ZNF808: variants seen among roughly 807,000 people sequenced by gnomAD.
ZNF808 encodes the protein zinc finger protein 808.
ZNF808 carries 5 observed loss-of-function variants against 8.7 expected under a neutral mutation model. The ratio of observed to expected loss-of-function variants is 0.58; its 90% CI spans 0.30 to 1.21. ZNF808 has a LOEUF of 1.21. ZNF808 is among the 50% of genes most tolerant of loss of function. The probability of loss-of-function intolerance (pLI) is 0.07; values close to 1 mark genes in which losing one functional copy is unlikely to be tolerated. For missense variants in ZNF808, 1,103 were observed against 1,098.4 expected (o/e 1.00, Z -0.06); for synonymous variants, 380 against 366.0 (o/e 1.04, Z -0.44).
At chr19:52,544,710 C>G (rs948636497) in intron 3 of ZNF808, among the ~76,000 whole-genome samples, 8 of 152,062 alleles carry the variant, frequency 5.3e-5, no homozygotes, top group Admixed American at 3.9e-4. Context: ...GCCTTGATAT[C>G]CTGGCCTCAA....
In ZNF808 at chr19:52,554,286, G is replaced by C; in HGVS notation, c.1370G>C (p.Cys457Ser). ...RIHTGEKPYK[C>S]KVCDTAFTCN... ...CATACTGGAGAGAAACCATACAAAT[G>C]TAAGGTTTGTGATACAGCTTTCACG... The change falls in exon 5 of 5, where the codon TGT becomes TCT. Residue 457 changes from cysteine (C) to serine (S), a missense_variant. Physicochemically the swap from Cys to Ser is moderately radical, Grantham distance 112. Transcript: ENST00000359798. 6.2e-7 allele frequency: 1 copy of C among 1,614,156 alleles called. No individual in the cohort carries two copies. Among genetic ancestry groups the C allele is most frequent in the Non-Finnish European group, 8.5e-7 (1 of 1,180,026 alleles).
chr19:52,529,765 C>T (rs1799918928), intron 1 of ZNF808, among the ~76,000 whole-genome samples: 1 of 152,020 alleles, frequency 6.6e-6, no homozygotes, highest in African/African-American at 2.4e-5. Flanking sequence ...CTGTATCACA[C>T]AGGCTGGAGT....
downstream of ZNF808, among the ~76,000 whole-genome samples, chr19:52,560,649 T>C (rs2059853276): frequency 6.6e-6 from 1 of 152,176 alleles, no homozygotes; most frequent in Non-Finnish European, 1.5e-5. Context: ...TGGATCTTGT[T>C]CATTCTTGTC....
At chr19:52,567,073 T>TCC (rs1220827141), downstream of ZNF808, among the ~76,000 whole-genome samples, 7 of 151,888 alleles carry the variant, frequency 4.6e-5, no homozygotes, top group East Asian at 1.2e-3. Context: ...TGCCTCAGCC[T>TCC]CCTGAGTAGC....
intron 3 of ZNF808, among the ~76,000 whole-genome samples, chr19:52,543,635 G>A (rs773627834): frequency 6.6e-6 from 1 of 152,190 alleles, no homozygotes; most frequent in East Asian, 1.9e-4. Context: ...GTGTGGGCCC[G>A]TTGATGTCAG....
At chr19:52,533,175 C>A (rs922462517) in intron 2 of ZNF808, among the ~76,000 whole-genome samples, 166 bp downstream of exon 2, 3 of 152,000 alleles carry the variant, frequency 2.0e-5, no homozygotes, top group African/African-American at 7.2e-5. Flanking sequence ...AGTATGTTTT[C>A]TTTCTTTTCT....
chr19:52,530,676 GAGAA>G (rs761468626), intron 1 of ZNF808, among the ~76,000 whole-genome samples: 53 of 144,922 alleles, frequency 3.7e-4, no homozygotes, highest in Non-Finnish European at 6.8e-4. Context: ...AAAAAAAAGA[GAGAA>G]AGAAAAAGTA....
At chr19:52,546,128 T>C (rs555256592) in intron 3 of ZNF808, among the ~76,000 whole-genome samples, 81 of 152,246 alleles carry the variant, frequency 5.3e-4, no homozygotes, top group Admixed American at 9.2e-4. Flanking sequence ...CTTAGAACAG[T>C]GTATAGCACA....
At chr19:52,558,969 C>T (rs2059847866), downstream of ZNF808, among the ~76,000 whole-genome samples, 1 of 152,172 alleles carries the variant, frequency 6.6e-6, no homozygotes, top group South Asian at 2.1e-4. Flanking sequence ...CTCTCAAGTA[C>T]CCAGGGACAC....
intron 2 of ZNF808, among the ~76,000 whole-genome samples, chr19:52,537,699 A>AC (rs982356562): frequency 2.0e-5 from 3 of 152,084 alleles, no homozygotes; most frequent in Non-Finnish European, 4.4e-5. Flanking sequence ...AAAAAAAAAA[A>AC]AAAAGGGTGG....
Position 52,555,618 on chromosome 19 carries a change from A to T in ZNF808, c.2702A>T (p.Lys901Ile), listed in dbSNP as rs747397333. The change falls in exon 5 of 5, where the codon AAA becomes ATA. Residue 901 changes from lysine (K) to isoleucine (I), a missense_variant. By Grantham distance (102) the Lys-to-Ile change is moderately radical (BLOSUM62 -3). Transcript: ENST00000359798. ...IHHQAIHGIG[K>I]FD ...CATCAGGCAATTCATGGTATAGGGA[A>T]ATTTGATTAATATAATGATTGTCAC... 1 of 1,595,944 alleles carries T rather than the reference A, an allele frequency of 6.3e-7. No individual in the cohort carries two copies. The highest frequency in any genetic ancestry group is 8.5e-7 in the Non-Finnish European group (1 of 1,172,052).
chr19:52,556,570 C>T (rs541755219), downstream of ZNF808: 20 of 152,150 alleles, frequency 1.3e-4, no homozygotes, highest in African/African-American at 4.8e-4. Context: ...GTGATCTGCC[C>T]ACCTTGGCAT....
intron 2 of ZNF808, among the ~76,000 whole-genome samples, chr19:52,537,479 G>C (rs2059624752): frequency 6.6e-6 from 1 of 152,122 alleles, no homozygotes; most frequent in South Asian, 2.1e-4. Flanking sequence ...TTGAGTCCAG[G>C]AGTTCAAGAC....
intron 2 of ZNF808, 76 bp from the exon 3 acceptor site, chr19:52,543,190 C>G: frequency 6.7e-7 from 1 of 1,490,066 alleles, no homozygotes; most frequent in Non-Finnish European, 9.2e-7. Context: ...GGTGACATCT[C>G]CCGGTTCATG....
intron 3 of ZNF808, 94 bp downstream of exon 3, chr19:52,543,441 A>G (rs1241130770): frequency 6.7e-6 from 10 of 1,502,302 alleles, no homozygotes; most frequent in Admixed American, 6.0e-5. Context: ...TGTAGCAGCC[A>G]GTCTTTTCTG....
In ZNF808 at chr19:52,554,554, G is replaced by A. The variant is rs778383397; in HGVS notation, c.1638G>A (p.Lys546=). The A allele has an allele frequency of 7.0e-5, 113 of 1,613,750 alleles. No homozygotes were observed. Among genetic ancestry groups the A allele is most frequent in the Admixed American group, 2.2e-4 (13 of 59,966 alleles). Residue 546 remains lysine, a synonymous_variant, in exon 5 of 5, where the codon AAG becomes AAA. Coordinates refer to ENST00000359798, the MANE Select transcript of ZNF808 (RefSeq NM_001039886.4). Reference sequence around the variant, plus strand: ...CTTACAAATGTACGGTTTGTAACAAGGTTTTCATGCGTAATTCAGTCCTGG... The same window carrying A: ...CTTACAAATGTACGGTTTGTAACAAAGTTTTCATGCGTAATTCAGTCCTGG... ...EKSYKCTVCN[K]VFMRNSVLAV... is the part of the protein sequence containing the mutation.
chr19:52,560,806 T>A (rs2123225336), downstream of ZNF808, among the ~76,000 whole-genome samples: 1 of 152,340 alleles, frequency 6.6e-6, no homozygotes, highest in East Asian at 1.9e-4. Context: ...AGTTCACTCC[T>A]ACGTGCCCAT....
At chr19:52,551,506 A>G (rs767986639) in intron 4 of ZNF808, among the ~76,000 whole-genome samples, 1 of 152,076 alleles carries the variant, frequency 6.6e-6, no homozygotes, top group Non-Finnish European at 1.5e-5. Context: ...TTCAGTTCTT[A>G]TATTGTGTGC....
chr19:52,556,561 TG>T (rs1373763684), downstream of ZNF808: 2 of 152,096 alleles, frequency 1.3e-5, no homozygotes, highest in Non-Finnish European at 2.9e-5. Flanking sequence ...CAACCTCAGG[TG>T]ATCTGCCCAC....
Sources: gnomAD v4.1 joint callset for allele counts (sites outside exome capture counted in the v4.1 genomes callset) on GRCh38, gnomAD v4.1.1 for gene constraint, MANE v1.5 for transcripts, NCBI Gene and HGNC (gene_info 2026-07-23, HGNC 2026-07-21) for gene names.